KRR1: variants seen among roughly 807,000 people sequenced by gnomAD.
The protein encoded by KRR1 is KRR1 small subunit processome component homolog.
Under a neutral mutation model 50.0 loss-of-function variants are expected in KRR1, and 23 were observed. The observed-to-expected ratio is 0.46, with a 90% CI of 0.33 to 0.65. The LOEUF (loss-of-function observed/expected upper bound fraction) is 0.65. KRR1 is among the 30% of genes least tolerant of loss of function. KRR1 has a pLI of 0.02. For synonymous variants in KRR1, 133 were observed against 146.3 expected (o/e 0.91, Z 0.66); for missense variants, 419 against 442.4 (o/e 0.95, Z 0.47).
chr12:75,510,189 T>A (rs1251787844), intron 1 of KRR1, among the ~76,000 whole-genome samples: 1 of 152,164 alleles, frequency 6.6e-6, no homozygotes, highest in African/African-American at 2.4e-5. Context: ...TTTCGTCCAC[T>A]CCTAGTGGGA....
At chr12:75,511,475 T>A (rs1005610882) in intron 1 of KRR1, 38 bp downstream of exon 1, 1 of 1,569,088 alleles carries the variant, frequency 6.4e-7, no homozygotes, top group African/African-American at 1.4e-5. Context: ...CAACTCAACG[T>A]ACACAAACCC....
intron 7 of KRR1, chr12:75,502,839 G>A (rs554950476): frequency 6.6e-6 from 1 of 152,028 alleles, no homozygotes; most frequent in Non-Finnish European, 1.5e-5. Context: ...AGGTGTTATG[G>A]AAGCATGGTT....
intron 8 of KRR1, 28 bp from the exon 9 acceptor site, chr12:75,501,844 G>A (rs1394746408): frequency 6.4e-7 from 1 of 1,564,390 alleles, no homozygotes; most frequent in African/African-American, 1.4e-5. Flanking sequence ...AAATATATCA[G>A]TTAAATGTAT....
At position 75,499,074 on chromosome 12, in the gene KRR1, ATTTC is replaced by A; in HGVS notation, c.*731_*734del. On this transcript the variant is annotated 3_prime_UTR_variant, in exon 10 of 10. Transcript: ENST00000229214. Reference sequence around the variant, plus strand: ...ATTAGGTGTACTTCTATTTTAAAACATTTCAGAAAAAAATATATGTTATAGCAAT... The same window carrying A: ...ATTAGGTGTACTTCTATTTTAAAACAAGAAAAAAATATATGTTATAGCAAT... 4 of 736,278 alleles carry A rather than the reference ATTTC, an allele frequency of 5.4e-6. No individual in the cohort carries two copies. Among genetic ancestry groups the A allele is most frequent in the Middle Eastern group, 4.1e-4 (1 of 2,464 alleles). 45.6% of individuals were successfully genotyped at this position (736,278 alleles called of 1,614,324 possible). A position where few individuals can be genotyped will look rare whatever the true frequency, so the allele number is the denominator to read the frequency against.
At chr12:75,511,100 C>G (rs2046446186) in intron 1 of KRR1, among the ~76,000 whole-genome samples, 1 of 152,178 alleles carries the variant, frequency 6.6e-6, no homozygotes, top group Admixed American at 6.5e-5. Flanking sequence ...CGGATAGCTC[C>G]TTTCCCCATA....
chr12:75,499,800 T>G lies in KRR1; in HGVS notation c.*9A>C, dbSNP rs1473491276. 7.5e-6 allele frequency: 12 copies of G among 1,592,188 alleles called. No individual in the cohort carries two copies. The highest frequency in any genetic ancestry group is 1.1e-5 in the South Asian group (1 of 87,062). ...AGGAGATAGTTCTAGTCAAGGAGTT[T>G]TGGGTATGTTACTTTTTTTTCTTCT... On this transcript the variant is annotated 3_prime_UTR_variant, in exon 10 of 10. Coordinates refer to ENST00000229214, the MANE Select transcript of KRR1 (RefSeq NM_007043.7).
In KRR1 at chr12:75,494,196, G is replaced by A. The variant is rs1434666116; in HGVS notation, c.*5613C>T. Reference sequence around the variant, plus strand: ...ATAAGGTATCGTTATAAAGTTGTGTGTCTAAGGTGAGAGTTCTCAACTTTG... The same window carrying A: ...ATAAGGTATCGTTATAAAGTTGTGTATCTAAGGTGAGAGTTCTCAACTTTG... On this transcript the variant is annotated 3_prime_UTR_variant, in exon 10 of 10. Transcript: ENST00000229214. 6.6e-6 allele frequency: 1 copy of A among 152,214 alleles called. No homozygotes were observed. Among genetic ancestry groups the A allele is most frequent in the Non-Finnish European group, 1.5e-5 (1 of 68,038 alleles). 9.4% of individuals were successfully genotyped at this position (152,214 alleles called of 1,614,324 possible).
Position 75,503,995 on chromosome 12 carries a change from T to C in KRR1, c.740A>G (p.Lys247Arg), listed in dbSNP as rs17853239. The part of the protein sequence containing the change: ...QSWERFLPQF[K>R]HKNVNKRKEP... The stretch of plus-strand genomic sequence containing the variant: ...CTTGCGTTTATTCACATTTTTGTGT[T>C]TGAACTGTGGCAAAAATCTCTCCCA... Residue 247 changes from lysine to arginine, a missense_variant, in exon 7 of 10, where the codon AAA becomes AGA. By Grantham distance (26) the Lys-to-Arg change is conservative. Transcript: ENST00000229214. 12 of 1,612,738 alleles carry C rather than the reference T, an allele frequency of 7.4e-6. No homozygotes were observed. The highest frequency in any genetic ancestry group is 1.0e-5 in the Non-Finnish European group (12 of 1,179,072).
chr12:75,505,250 C>G lies in KRR1; in HGVS notation c.608G>C (p.Arg203Thr). 1 of 1,574,970 alleles carries G rather than the reference C, an allele frequency of 6.3e-7. No individual in the cohort carries two copies. The highest frequency in any genetic ancestry group is 1.4e-5 in the African/African-American group (1 of 73,170). Residue 203 changes from arginine to threonine, a missense_variant, in exon 6 of 10, where the codon AGA becomes ACA. Physicochemically the swap from Arg to Thr is moderately conservative, Grantham distance 71 (BLOSUM62 -1). Coordinates refer to ENST00000229214, the MANE Select transcript of KRR1 (RefSeq NM_007043.7). ...CTTCATAGTATCAAGGACTACTTTT[C>G]TAACCTGAAATTTGCAAAGAAAAAT... ...IGPFSGLKEV[R>T]KVVLDTMKNI...
Position 75,492,713 on chromosome 12 carries a change from T to G in KRR1, c.*7096A>C, listed in dbSNP as rs949695861. ...TATAATGCTTCCATAAAGACTAACT[T>G]CAAATATTCATTTATTCAACAAATA... On this transcript the variant is annotated 3_prime_UTR_variant, in exon 10 of 10. Transcript: ENST00000229214. 1 of 152,204 alleles carries G rather than the reference T, an allele frequency of 6.6e-6. No homozygotes were observed. Among genetic ancestry groups the G allele is most frequent in the Admixed American group, 6.5e-5 (1 of 15,272 alleles). The allele number at this position is 152,204 out of a possible 1,614,324, so 9.4% of individuals were successfully genotyped here. A position where few individuals can be genotyped will look rare whatever the true frequency, so the allele number is the denominator to read the frequency against.
rs998733916 is a variant in KRR1 at position 75,496,286 on chromosome 12, T to A, written c.*3523A>T. 2.6e-5 allele frequency: 4 copies of A among 151,576 alleles called. No homozygotes were observed. Among genetic ancestry groups the A allele is most frequent in the Non-Finnish European group, 4.4e-5 (3 of 68,018 alleles). The allele number at this position is 151,576 out of a possible 1,614,324, so 9.4% of individuals were successfully genotyped here. The stretch of plus-strand genomic sequence containing the variant: ...AGGACAATCACTTGAGCCCAGGAGG[T>A]GGAGGTTGCAGTGAGCAGAGATTGT... On this transcript the variant is annotated 3_prime_UTR_variant, in exon 10 of 10. Coordinates refer to ENST00000229214, the MANE Select transcript of KRR1 (RefSeq NM_007043.7).
At position 75,511,587 on chromosome 12, in the gene KRR1, G is replaced by A. The variant is rs748668238; in HGVS notation, c.11C>T (p.Pro4Leu). The A allele has an allele frequency of 6.2e-7, 1 of 1,614,034 alleles. No homozygotes were observed. The highest frequency in any genetic ancestry group is 1.3e-5 in the African/African-American group (1 of 75,056). Residue 4 changes from proline to leucine, a missense_variant, in exon 1 of 10, where the codon CCC (proline) becomes CTC (leucine). Coordinates refer to ENST00000229214, the MANE Select transcript of KRR1 (RefSeq NM_007043.7). ...GCCTTTTTCTGGCCGCTCCAGCGAG[G>A]GAGACGCCATTTGCAAGCTGCTTCC... is the stretch of plus-strand genomic sequence containing the variant. MAS[P>L]SLERPEKGAG...
intron 1 of KRR1, among the ~76,000 whole-genome samples, chr12:75,510,061 T>G (rs1396637240): frequency 6.6e-6 from 1 of 152,100 alleles, no homozygotes; most frequent in African/African-American, 2.4e-5. Context: ...TGCAACCTCA[T>G]AGGTGATCAG....
intron 9 of KRR1, chr12:75,500,161 T>C: frequency 5.4e-6 from 2 of 367,262 alleles, no homozygotes; most frequent in South Asian, 1.2e-4. Context: ...AAACAAATCA[T>C]AAAATACTTT....
chr12:75,496,002 T>C lies in KRR1; in HGVS notation c.*3807A>G, dbSNP rs2046348863. 2 of 129,536 alleles carry C rather than the reference T, an allele frequency of 1.5e-5. No homozygotes were observed. The highest frequency in any genetic ancestry group is 5.7e-5 in the African/African-American group (2 of 34,796). The allele number at this position is 129,536 out of a possible 1,614,324, so 8.0% of individuals were successfully genotyped here. A position where few individuals can be genotyped will look rare whatever the true frequency, so the allele number is the denominator to read the frequency against. The stretch of plus-strand genomic sequence containing the variant: ...ACAAACAGAATTCTGTTTTCGTTTT[T>C]TTTTTTGTTTTTTTTTTTTGAGACA... On this transcript the variant is annotated 3_prime_UTR_variant, in exon 10 of 10. Coordinates refer to ENST00000229214, the MANE Select transcript of KRR1 (RefSeq NM_007043.7).
chr12:75,505,141 C>A, intron 6 of KRR1, 57 bp downstream of exon 6: 1 of 1,439,224 alleles, frequency 6.9e-7, no homozygotes, highest in South Asian at 1.3e-5. Flanking sequence ...AGAAAGGTTT[C>A]TGTAGCTAAA....
chr12:75,498,425 G>T lies in KRR1; in HGVS notation c.*1384C>A. On this transcript the variant is annotated 3_prime_UTR_variant, in exon 10 of 10. Transcript: ENST00000229214. The stretch of plus-strand genomic sequence containing the variant: ...TTTTTTAAATTTTATTACCTGCTAG[G>T]TATGATGTGTAAAATGATTTTCCAT... The T allele has an allele frequency of 1.6e-5, 5 of 317,668 alleles. No individual in the cohort carries two copies. The highest frequency in any genetic ancestry group is 5.5e-5 in the East Asian group (1 of 18,310). 19.7% of individuals were successfully genotyped at this position (317,668 alleles called of 1,614,324 possible).
Position 75,501,830 on chromosome 12 carries a change from TA to T in KRR1, c.910-15del. 1.3e-6 allele frequency: 2 copies of T among 1,579,482 alleles called. No individual in the cohort carries two copies. Among genetic ancestry groups the T allele is most frequent in the Non-Finnish European group, 1.7e-6 (2 of 1,158,004 alleles). On this transcript the variant is annotated splice_polypyrimidine_tract_variant and intron_variant, in intron 8 of 9. Transcript: ENST00000229214. ...TGCTTGTTTAGCCTACATTAATAAA[TA>T]AAAAATATATCAGTTAAATGTATTT...
At position 75,494,063 on chromosome 12, in the gene KRR1, A is replaced by G. The variant is rs369248784; in HGVS notation, c.*5746T>C. 30 of 152,308 alleles carry G rather than the reference A, an allele frequency of 2.0e-4. No homozygotes were observed. Among genetic ancestry groups the G allele is most frequent in the African/African-American group, 6.0e-4 (25 of 41,574 alleles). 9.4% of individuals were successfully genotyped at this position (152,308 alleles called of 1,614,324 possible). ...TGAAATTGCTATCAGAATTTCTACT[A>G]TATTACCTTTTTTCCATGGTGTAGA... On this transcript the variant is annotated 3_prime_UTR_variant, in exon 10 of 10. Coordinates refer to ENST00000229214, the MANE Select transcript of KRR1 (RefSeq NM_007043.7).
Sources: gnomAD v4.1 joint callset for allele counts (sites outside exome capture counted in the v4.1 genomes callset) on GRCh38, gnomAD v4.1.1 for gene constraint, MANE v1.5 for transcripts, NCBI Gene and HGNC (gene_info 2026-07-23, HGNC 2026-07-21) for gene names.